Variants in ZNF551 observed in about 807,000 individuals in gnomAD.
ZNF551 encodes KOX 23 protein (56 AA).
In ZNF551, 5 loss-of-function variants were observed where a neutral mutation model predicts 7.9. The ratio of observed to expected loss-of-function variants is 0.63; its 90% CI spans 0.33 to 1.33. The LOEUF (loss-of-function observed/expected upper bound fraction) is 1.33, where lower values mean the gene tolerates loss of function less well. Among genes scored for constraint, ZNF551 ranks in the 40% most tolerant of loss-of-function variants. The pLI is 0.05. For synonymous variants in ZNF551, 287 were observed against 277.3 expected (o/e 1.03, Z -0.35); for missense variants, 788 against 825.2 (o/e 0.95, Z 0.55).
At chr19:57,684,118 C>T (rs1037005689) in intron 1 of ZNF551, among the ~76,000 whole-genome samples, 1 of 152,086 alleles carries the variant, frequency 6.6e-6, no homozygotes, top group African/African-American at 2.4e-5. Flanking sequence ...ACAGGTGATT[C>T]TTGATGGGTG....
chr19:57,687,241 C>G lies in ZNF551; in HGVS notation c.966C>G (p.Phe322Leu). ...AAGCCTTTATCCATAAATCTGAATT[C>G]ATTCACCACCAGAGACGTCACACTG... ...REKAFIHKSE[F>L]IHHQRRHTGG... Residue 322 changes from phenylalanine (F) to leucine (L), a missense_variant, in exon 3 of 3, where the codon TTC (phenylalanine) becomes TTG (leucine). Physicochemically the swap from Phe to Leu is conservative, Grantham distance 22. Transcript: ENST00000282296. 6.2e-7 allele frequency: 1 copy of G among 1,614,104 alleles called. No individual in the cohort carries two copies. The highest frequency in any genetic ancestry group is 8.5e-7 in the Non-Finnish European group (1 of 1,180,022).
chr19:57,684,500 A>G (rs1301132411), intron 1 of ZNF551, among the ~76,000 whole-genome samples: 1 of 152,104 alleles, frequency 6.6e-6, no homozygotes, highest in Non-Finnish European at 1.5e-5. Flanking sequence ...TTTCCTTACA[A>G]GAGAGTATGG....
Position 57,689,799 on chromosome 19 carries a change from CAA to C in ZNF551, c.*1522_*1523del, listed in dbSNP as rs547644438. ...AGGCAACAGAGTGAGACTCCGTCTC[CAA>C]AAAAAAAAAAGAAAATAGTCTATAA... On this transcript the variant is annotated 3_prime_UTR_variant, in exon 3 of 3. Transcript: ENST00000282296. 10 of 135,910 alleles carry C rather than the reference CAA, an allele frequency of 7.4e-5. No individual in the cohort carries two copies. The highest frequency in any genetic ancestry group is 2.1e-4 in the East Asian group (1 of 4,788). 8.4% of individuals were successfully genotyped at this position (135,910 alleles called of 1,614,324 possible). A position where few individuals can be genotyped will look rare whatever the true frequency, so the allele number is the denominator to read the frequency against.
chr19:57,687,808 C>G lies in ZNF551; in HGVS notation c.1533C>G (p.Ser511=), dbSNP rs149619858. The G allele has an allele frequency of 1.7e-5, 28 of 1,614,020 alleles. No homozygotes were observed. The African/African-American group carries it at 1.9e-4, about 11-fold the overall frequency. ...RPYECSECGK[S]FTRKSDLIQH... ...ATGAATGCAGTGAATGTGGAAAATCCTTTACCCGCAAATCTGACCTCATTC... is the reference window on the plus strand; with the variant it reads ...ATGAATGCAGTGAATGTGGAAAATCGTTTACCCGCAAATCTGACCTCATTC... The change falls in exon 3 of 3, where the codon TCC becomes TCG. Residue 511 remains serine, a synonymous_variant. Coordinates refer to ENST00000282296, the MANE Select transcript of ZNF551 (RefSeq NM_138347.5).
In ZNF551 at chr19:57,688,127, A is replaced by G. The variant is rs779666483; in HGVS notation, c.1852A>G (p.Ser618Gly). 1 of 1,614,022 alleles carries G rather than the reference A, an allele frequency of 6.2e-7. No individual in the cohort carries two copies. Among genetic ancestry groups the G allele is most frequent in the Non-Finnish European group, 8.5e-7 (1 of 1,180,016 alleles). Reference sequence around the variant, plus strand: ...CACTGGAGAAAGACCTTATGAGTGCAGTCAATGTGGGAAACCCTTTACCCA... The same window carrying G: ...CACTGGAGAAAGACCTTATGAGTGCGGTCAATGTGGGAAACCCTTTACCCA... ...GHTGERPYEC[S>G]QCGKPFTHKS... Residue 618 changes from serine to glycine, a missense_variant, in exon 3 of 3, where the codon AGT (serine) becomes GGT (glycine). Coordinates refer to ENST00000282296, the MANE Select transcript of ZNF551 (RefSeq NM_138347.5).
chr19:57,686,528 G>A lies in ZNF551; in HGVS notation c.253G>A (p.Val85Ile), dbSNP rs200316976. Residue 85 changes from valine (V) to isoleucine (I), a missense_variant, in exon 3 of 3, where the codon GTA (valine) becomes ATA (isoleucine). Coordinates refer to ENST00000282296, the MANE Select transcript of ZNF551 (RefSeq NM_138347.5). ...ENEAIASEQS[V>I]SIQVRTSKGN... ...TGAGGCGATAGCTTCTGAGCAGAGT[G>A]TATCTATACAGGTCAGGACTTCTAA... 6.2e-7 allele frequency: 1 copy of A among 1,614,188 alleles called. No individual in the cohort carries two copies. The highest frequency in any genetic ancestry group is 8.5e-7 in the Non-Finnish European group (1 of 1,180,046).
Position 57,686,508 on chromosome 19 carries a change from C to T in ZNF551, c.233C>T (p.Ala78Val), listed in dbSNP as rs116895475. The T allele has an allele frequency of 1.4e-3, 2,220 of 1,609,316 alleles. 40 individuals carry two copies. The East Asian group carries it at 0.039, about 28-fold the overall frequency. ...TATTGCCATGGAATGGAGAATGAGG[C>T]GATAGCTTCTGAGCAGAGTGTATCT... is the stretch of plus-strand genomic sequence containing the variant. ...LGYCHGMENE[A>V]IASEQSVSIQ... The change falls in exon 3 of 3, where the codon GCG (alanine) becomes GTG (valine). Residue 78 changes from alanine (A) to valine (V), a missense_variant. Physicochemically the swap from Ala to Val is moderately conservative, Grantham distance 64. Coordinates refer to ENST00000282296, the MANE Select transcript of ZNF551 (RefSeq NM_138347.5).
Position 57,690,640 on chromosome 19 carries a change from A to G in ZNF551, c.*2352A>G, listed in dbSNP as rs1404067891. On this transcript the variant is annotated 3_prime_UTR_variant, in exon 3 of 3. Coordinates refer to ENST00000282296, the MANE Select transcript of ZNF551 (RefSeq NM_138347.5). ...TATATTACAAATAAAGCTGCTGTAA[A>G]TACTTGAATTCATTTCTTTATATGG... is the stretch of plus-strand genomic sequence containing the variant. The G allele has an allele frequency of 7.5e-6, 1 of 132,676 alleles. No individual in the cohort carries two copies. Among genetic ancestry groups the G allele is most frequent in the African/African-American group, 2.7e-5 (1 of 37,596 alleles). 8.2% of individuals were successfully genotyped at this position (132,676 alleles called of 1,614,324 possible).
rs201386286 is a variant in ZNF551, at chr19:57,690,432, T to TA, written c.*2145dup. On this transcript the variant is annotated 3_prime_UTR_variant, in exon 3 of 3. Transcript: ENST00000282296. ...ACGCATATACGTATACGTATATATA[T>TA]ACATATGTGTTTATATATGTGTGTG... 3.2e-3 allele frequency: 476 copies of TA among 147,230 alleles called. 4 individuals carry two copies. Among genetic ancestry groups the TA allele is most frequent in the African/African-American group, 0.011 (442 of 40,246 alleles). 9.1% of individuals were successfully genotyped at this position (147,230 alleles called of 1,614,324 possible). A position where few individuals can be genotyped will look rare whatever the true frequency, so the allele number is the denominator to read the frequency against.
chr19:57,682,393 G>A (rs1984415243), intron 1 of ZNF551, 149 bp downstream of exon 1: 1 of 814,764 alleles, frequency 1.2e-6, no homozygotes, highest in Non-Finnish European at 1.9e-6. Flanking sequence ...GTGACGCCCA[G>A]TGTGTACGGA....
rs751624873 is a variant in ZNF551 at position 57,688,317 on chromosome 19, T to A, written c.*29T>A. The A allele has an allele frequency of 6.2e-7, 1 of 1,605,286 alleles. No individual in the cohort carries two copies. The highest frequency in any genetic ancestry group is 8.5e-7 in the Non-Finnish European group (1 of 1,174,464). On this transcript the variant is annotated 3_prime_UTR_variant, in exon 3 of 3. Transcript: ENST00000282296. The stretch of plus-strand genomic sequence containing the variant: ...TGAAGGGAATGTGCTATTTCTTTAT[T>A]CAGTATAATAGCACTGGAGGAGACT...
In ZNF551 at chr19:57,689,415, T is replaced by C. The variant is rs749918897; in HGVS notation, c.*1127T>C. ...AGTAAATTAGATGGAATGACTCTTC[T>C]AAAAGTTCATCTACAAATTTTCCAG... On this transcript the variant is annotated 3_prime_UTR_variant, in exon 3 of 3. Coordinates refer to ENST00000282296, the MANE Select transcript of ZNF551 (RefSeq NM_138347.5). The C allele has an allele frequency of 6.6e-6, 1 of 152,242 alleles. No individual in the cohort carries two copies. The highest frequency in any genetic ancestry group is 1.5e-5 in the Non-Finnish European group (1 of 68,044). The allele number at this position is 152,242 out of a possible 1,614,324, so 9.4% of individuals were successfully genotyped here. A position where few individuals can be genotyped will look rare whatever the true frequency, so the allele number is the denominator to read the frequency against.
At chr19:57,685,958 C>T (rs1984541196) in intron 2 of ZNF551, among the ~76,000 whole-genome samples, 1 of 152,242 alleles carries the variant, frequency 6.6e-6, no homozygotes, top group Non-Finnish European at 1.5e-5. Context: ...CTATACAATA[C>T]TGTGCTGAAT....
rs1448810945 is a variant in ZNF551 at position 57,687,713 on chromosome 19, T to C, written c.1438T>C (p.Cys480Arg). The change falls in exon 3 of 3, where the codon TGT (cysteine) becomes CGT (arginine). Residue 480 changes from cysteine to arginine, a missense_variant. Physicochemically the swap from Cys to Arg is radical, Grantham distance 180. Coordinates refer to ENST00000282296, the MANE Select transcript of ZNF551 (RefSeq NM_138347.5). ...TGDRPYECSECEKSFSRKFIL... is the reference protein window; with the variant it reads ...TGDRPYECSEREKSFSRKFIL... Reference sequence around the variant, plus strand: ...TGATAGGCCTTATGAGTGCAGTGAATGTGAGAAATCCTTTAGCCGCAAATT... The same window carrying C: ...TGATAGGCCTTATGAGTGCAGTGAACGTGAGAAATCCTTTAGCCGCAAATT... 3.8e-5 allele frequency: 61 copies of C among 1,614,082 alleles called. No individual in the cohort carries two copies. In the Admixed American group the frequency reaches 1.0e-3, roughly 27 times the overall value.
intron 2 of ZNF551, 47 bp downstream of exon 2, chr19:57,685,432 C>G (rs1271491935): frequency 1.2e-6 from 2 of 1,613,402 alleles, no homozygotes; most frequent in East Asian, 2.2e-5. Context: ...TTTTTGACCC[C>G]AGAGTTACCT....
rs1348311063 is a variant in ZNF551 at position 57,688,245 on chromosome 19, AC to A, written c.1972del (p.Leu658SerfsTer26). On this transcript the variant is annotated frameshift_variant, in exon 3 of 3. Coordinates refer to ENST00000282296, the MANE Select transcript of ZNF551 (RefSeq NM_138347.5). LOFTEE classifies it low-confidence loss of function (END_TRUNC). The stretch of plus-strand genomic sequence containing the variant: ...GGGAAATCCTTTAGCCGCAAATCTA[AC>A]CTCATTCGACATCGGAGAGTTCACA... ...ECGKSFSRKS[N>X]LIRHRRVHTE... 5.6e-6 allele frequency: 9 copies of A among 1,614,118 alleles called. No homozygotes were observed. The highest frequency in any genetic ancestry group is 7.6e-6 in the Non-Finnish European group (9 of 1,180,050).
Position 57,685,354 on chromosome 19 carries a change from G to A in ZNF551, c.174G>A (p.Met58Ile). Residue 58 changes from methionine to isoleucine, a missense_variant, in exon 2 of 3, where the codon ATG becomes ATA. By Grantham distance (10) the Met-to-Ile change is conservative (BLOSUM62 1). Coordinates refer to ENST00000282296, the MANE Select transcript of ZNF551 (RefSeq NM_138347.5). ...AGAGGTTCCTGTACTGCGATGTGAT[G>A]CTGGAGAACTTTGCACATGTAACAT... is the stretch of plus-strand genomic sequence containing the variant. The part of the protein sequence containing the change: ...ESQRFLYCDV[M>I]LENFAHVTSL... The A allele has an allele frequency of 6.2e-7, 1 of 1,614,160 alleles. No individual in the cohort carries two copies. Among genetic ancestry groups the A allele is most frequent in the East Asian group, 2.2e-5 (1 of 44,886 alleles).
In ZNF551 at chr19:57,682,076, C is replaced by A; in HGVS notation, c.-88C>A. 2 of 1,401,870 alleles carry A rather than the reference C, an allele frequency of 1.4e-6. No homozygotes were observed. The highest frequency in any genetic ancestry group is 2.1e-5 in the Admixed American group (1 of 48,678). 86.8% of individuals were successfully genotyped at this position (1,401,870 alleles called of 1,614,324 possible). On this transcript the variant is annotated 5_prime_UTR_variant, in exon 1 of 3. Transcript: ENST00000282296. ...TGGAGGTCGCGACTGAGGGACGGGA[C>A]AGAGAAGTCGCGAAAGTGGGCCAGA...
chr19:57,682,126 A>T lies in ZNF551; in HGVS notation c.-38A>T. ...AGGTTCTGCGACACCACCTCGGGTG[A>T]GCTGCGCCAGGCCCGGGATAGGGAC... On this transcript the variant is annotated 5_prime_UTR_variant, in exon 1 of 3. Transcript: ENST00000282296. The T allele has an allele frequency of 3.3e-6, 5 of 1,533,512 alleles. No homozygotes were observed. Among genetic ancestry groups the T allele is most frequent in the Non-Finnish European group, 4.4e-6 (5 of 1,138,746 alleles). 95.0% of individuals were successfully genotyped at this position (1,533,512 alleles called of 1,614,324 possible).
Sources: gnomAD v4.1 joint callset for allele counts (sites outside exome capture counted in the v4.1 genomes callset) on GRCh38, gnomAD v4.1.1 for gene constraint, MANE v1.5 for transcripts, NCBI Gene and HGNC (gene_info 2026-07-23, HGNC 2026-07-21) for gene names.